The following RO60 variants were observed in gnomAD, a reference collection of about 807,000 sequenced individuals.
RO60 encodes Ro60, Y RNA binding protein, also known as RNA-binding protein RO60.
A neutral mutation model predicts 55.3 loss-of-function variants in RO60; 20 were observed. The ratio of observed to expected loss-of-function variants is 0.36; its 90% CI spans 0.25 to 0.53. The LOEUF (loss-of-function observed/expected upper bound fraction) is 0.53, where lower values mean the gene tolerates loss of function less well. Among genes scored for constraint, RO60 ranks in the 20% least tolerant of loss-of-function variants. The pLI is 0.92. For missense variants in RO60, 558 were observed against 646.6 expected, an observed-to-expected ratio of 0.86 and a Z score of 1.49; for synonymous variants, 213 against 213.6, an observed-to-expected ratio of 1.00 and a Z score of 0.02.
In RO60 at chr1:193,084,826, A is replaced by G. The variant is rs1422970947; in HGVS notation, c.*95A>G. 9.8e-6 allele frequency: 15 copies of G among 1,538,310 alleles called. No homozygotes were observed. Among genetic ancestry groups the G allele is most frequent in the Non-Finnish European group, 1.3e-5 (15 of 1,149,512 alleles). ...CCAGCTAATCTCCACCCAATGAATGATGATGGTATAGTATGTGCATAATGG... is the reference window on the plus strand; with the variant it reads ...CCAGCTAATCTCCACCCAATGAATGGTGATGGTATAGTATGTGCATAATGG... On this transcript the variant is annotated 3_prime_UTR_variant, in exon 9 of 9. Coordinates refer to ENST00000400968, the MANE Select transcript of RO60 (RefSeq NM_001173524.2).
In RO60 at chr1:193,059,773, A is replaced by T; in HGVS notation, c.-25A>T. 7.4e-7 allele frequency: 1 copy of T among 1,356,288 alleles called. No individual in the cohort carries two copies. Among genetic ancestry groups the T allele is most frequent in the Non-Finnish European group, 9.8e-7 (1 of 1,017,220 alleles). The allele number at this position is 1,356,288 out of a possible 1,614,324, so 84.0% of individuals were successfully genotyped here. A position where few individuals can be genotyped will look rare whatever the true frequency, so the allele number is the denominator to read the frequency against. On this transcript the variant is annotated 5_prime_UTR_variant, in exon 1 of 9. Transcript: ENST00000400968. The surrounding 1 kb of genome is among the most constrained non-coding windows in gnomAD (Gnocchi z 4.9). ...GGATCCAGGGGGTCGGCTGCCAGGT[A>T]CAGGTGAGGACATTGCGGGAGGCCG...
In RO60 at chr1:193,089,274, A is replaced by C. The variant is rs1279695985; in HGVS notation, c.*4543A>C. The C allele has an allele frequency of 2.0e-5, 3 of 152,140 alleles. No homozygotes were observed. The highest frequency in any genetic ancestry group is 6.5e-5 in the Admixed American group (1 of 15,272). The allele number at this position is 152,140 out of a possible 1,614,324, so 9.4% of individuals were successfully genotyped here. A position where few individuals can be genotyped will look rare whatever the true frequency, so the allele number is the denominator to read the frequency against. ...ACTGATTACTCTTTCAGAAAATAGC[A>C]GGTGTCTCAATGCTTTTTTTCCATA... On this transcript the variant is annotated 3_prime_UTR_variant, in exon 9 of 9. Coordinates refer to ENST00000400968, the MANE Select transcript of RO60 (RefSeq NM_001173524.2).
chr1:193,069,293 T>G lies in RO60; in HGVS notation c.239T>G (p.Phe80Cys). The change falls in exon 2 of 9, where the codon TTT becomes TGT. Residue 80 changes from phenylalanine to cysteine, a missense_variant. Phe to Cys is a radical substitution (Grantham distance 205, BLOSUM62 -2). Coordinates refer to ENST00000400968, the MANE Select transcript of RO60 (RefSeq NM_001173524.2). The part of the protein sequence containing the change: ...GCEVIQEIKS[F>C]SQEGRTTKQE... ...GAAGTGATACAAGAAATAAAGTCAT[T>G]TAGTCAAGAAGGCAGAACCACAAAG... The G allele has an allele frequency of 6.2e-7, 1 of 1,614,184 alleles. No homozygotes were observed. The highest frequency in any genetic ancestry group is 8.5e-7 in the Non-Finnish European group (1 of 1,180,036).
At chr1:193,065,069 CTT>C (rs1395261106) in intron 1 of RO60, among the ~76,000 whole-genome samples, 2 of 152,060 alleles carry the variant, frequency 1.3e-5, no homozygotes, top group Non-Finnish European at 2.9e-5. Flanking sequence ...ATCTTAAAGA[CTT>C]GTATTATATT....
Position 193,085,604 on chromosome 1 carries a change from T to G in RO60, c.*873T>G. 1.0e-6 allele frequency: 1 copy of G among 984,586 alleles called. No individual in the cohort carries two copies. Among genetic ancestry groups the G allele is most frequent in the East Asian group, 1.1e-4 (1 of 8,818 alleles). 61.0% of individuals were successfully genotyped at this position (984,586 alleles called of 1,614,324 possible). Reference sequence around the variant, plus strand: ...AATGTTTCAAGCGCTTAACTCCCCCTCATTCACAAAGTATAACAATTAAAA... The same window carrying G: ...AATGTTTCAAGCGCTTAACTCCCCCGCATTCACAAAGTATAACAATTAAAA... On this transcript the variant is annotated 3_prime_UTR_variant, in exon 9 of 9. Transcript: ENST00000400968.
chr1:193,066,347 T>C (rs1673105892), intron 1 of RO60, among the ~76,000 whole-genome samples: 6 of 152,210 alleles, frequency 3.9e-5, no homozygotes. Context: ...AGTTTATAAG[T>C]ATGTGTCTAC....
At position 193,076,262 on chromosome 1, in the gene RO60, T is replaced by C. The variant is rs1673910669; in HGVS notation, c.801+222T>C. Among the ~76,000 whole-genome samples the C allele has an allele frequency of 2.0e-5, 3 of 152,044 alleles. No homozygotes were observed. In the East Asian group the frequency reaches 5.8e-4, roughly 29 times the overall value. ...TCCAGAAAATCTACTGCCTTGCTAATTAAAAAAAAAATCATCTATGCATTT... is the reference window on the plus strand; with the variant it reads ...TCCAGAAAATCTACTGCCTTGCTAACTAAAAAAAAAATCATCTATGCATTT... On this transcript the variant is annotated intron_variant, in intron 3 of 8. Coordinates refer to ENST00000400968, the MANE Select transcript of RO60 (RefSeq NM_001173524.2).
rs1205252222 is a variant in RO60 at position 193,059,619 on chromosome 1, C to T, written c.-179C>T. The T allele has an allele frequency of 7.1e-7, 1 of 1,415,892 alleles. No individual in the cohort carries two copies. The highest frequency in any genetic ancestry group is 9.5e-7 in the Non-Finnish European group (1 of 1,055,770). 87.7% of individuals were successfully genotyped at this position (1,415,892 alleles called of 1,614,324 possible). A position where few individuals can be genotyped will look rare whatever the true frequency, so the allele number is the denominator to read the frequency against. On this transcript the variant is annotated 5_prime_UTR_variant, in exon 1 of 9. Transcript: ENST00000400968. The surrounding 1 kb of genome is among the most constrained non-coding windows in gnomAD (Gnocchi z 4.9). ...CAAAAGAAGAGGGGCAGGACTCGTT[C>T]CCGGGAACCGAACCTGGAATCCCCG...
chr1:193,065,261 G>A, intron 1 of RO60, among the ~76,000 whole-genome samples: 1 of 152,146 alleles, frequency 6.6e-6, no homozygotes. Context: ...ATAAGATTTG[G>A]TTTCTACTTT....
intron 2 of RO60, among the ~76,000 whole-genome samples, chr1:193,073,108 A>C (rs1673636265): frequency 6.6e-6 from 1 of 152,198 alleles, no homozygotes; most frequent in Admixed American, 6.5e-5. Flanking sequence ...TTGTGCACCC[A>C]CTGCATGGCC....
In RO60 at chr1:193,059,770, G is replaced by A; in HGVS notation, c.-28G>A. On this transcript the variant is annotated 5_prime_UTR_variant, in exon 1 of 9. Transcript: ENST00000400968. This position sits in a 1 kb window ranked among gnomAD's most constrained non-coding sequence, Gnocchi z 4.9. ...TGCGGATCCAGGGGGTCGGCTGCCA[G>A]GTACAGGTGAGGACATTGCGGGAGG... 1.5e-6 allele frequency: 2 copies of A among 1,356,596 alleles called. No homozygotes were observed. Among genetic ancestry groups the A allele is most frequent in the Admixed American group, 2.0e-5 (1 of 50,718 alleles). 84.0% of individuals were successfully genotyped at this position (1,356,596 alleles called of 1,614,324 possible).
chr1:193,071,052 T>G (rs1673457364), intron 2 of RO60, among the ~76,000 whole-genome samples: 3 of 152,052 alleles, frequency 2.0e-5, no homozygotes, highest in Admixed American at 2.0e-4. Flanking sequence ...GCAGGGTGGT[T>G]TCAGAATGAA....
intron 1 of RO60, among the ~76,000 whole-genome samples, chr1:193,063,304 G>A (rs1319865764): frequency 2.0e-5 from 3 of 152,004 alleles, no homozygotes; most frequent in Admixed American, 6.6e-5. Flanking sequence ...TGTGTTTACT[G>A]GCCATTTGAT....
rs1325465332 is a variant in RO60 at position 193,059,687 on chromosome 1, G to A, written c.-111G>A. On this transcript the variant is annotated 5_prime_UTR_variant, in exon 1 of 9. Transcript: ENST00000400968. The surrounding 1 kb of genome is among the most constrained non-coding windows in gnomAD (Gnocchi z 4.9). ...GCTGTTGCTGTGGCTGTCGCTGCCC[G>A]TCAGGCTGCCTTCTTTTGTCGTTTC... is the stretch of plus-strand genomic sequence containing the variant. The A allele has an allele frequency of 7.3e-7, 1 of 1,361,692 alleles. No individual in the cohort carries two copies. The highest frequency in any genetic ancestry group is 4.6e-5 in the East Asian group (1 of 21,936). 84.4% of individuals were successfully genotyped at this position (1,361,692 alleles called of 1,614,324 possible).
chr1:193,077,649 G>A (rs1456312948), intron 5 of RO60, among the ~76,000 whole-genome samples: 2 of 152,074 alleles, frequency 1.3e-5, no homozygotes, highest in Non-Finnish European at 2.9e-5. Flanking sequence ...GGGGATTATG[G>A]GAACTACAAT....
intron 2 of RO60, among the ~76,000 whole-genome samples, chr1:193,072,469 AC>A (rs944855162): frequency 2.0e-5 from 3 of 150,404 alleles, no homozygotes; most frequent in African/African-American, 7.3e-5. Flanking sequence ...TTTCTGGCAC[AC>A]TAAAGTTTTG....
At chr1:193,076,888 A>G in intron 4 of RO60, 25 bp from the exon 5 acceptor site, 2 of 1,590,616 alleles carry the variant, frequency 1.3e-6, no homozygotes, top group African/African-American at 2.7e-5. Context: ...TTTTTGCTAA[A>G]ATTTTCCTTA....
chr1:193,072,956 C>G (rs1441047173), intron 2 of RO60, among the ~76,000 whole-genome samples: 2 of 151,938 alleles, frequency 1.3e-5, no homozygotes, highest in South Asian at 4.1e-4. Flanking sequence ...ACAGAGAATC[C>G]CTAGCATTTC....
chr1:193,082,514 T>G (rs2103072534), intron 7 of RO60, 48 bp from the exon 8 acceptor site: 1 of 1,595,638 alleles, frequency 6.3e-7, no homozygotes, highest in East Asian at 2.2e-5. Context: ...AAACTAGTAT[T>G]TTTAAGGATT....
Sources: allele counts gnomAD v4.1 joint callset (sites outside exome capture counted in the v4.1 genomes callset), GRCh38; gene constraint gnomAD v4.1.1; non-coding constraint Gnocchi (gnomAD v3.1); transcripts MANE v1.5; gene names NCBI Gene and HGNC (gene_info 2026-07-23, HGNC 2026-07-21).